The following MYBPC2 variants were observed in gnomAD, a reference collection of about 807,000 sequenced individuals.
MYBPC2 encodes the protein myosin binding protein C2, also known as myosin-binding protein C, fast-type.
A neutral mutation model predicts 137.0 loss-of-function variants in MYBPC2; 122 were observed. The ratio of observed to expected loss-of-function variants is 0.89; its 90% CI spans 0.77 to 1.03. MYBPC2 has a LOEUF of 1.03. Ranked by LOEUF, MYBPC2 falls within the 50% of genes least tolerant of loss-of-function variation. MYBPC2 has a pLI of 0.00. For synonymous variants in MYBPC2, 626 were observed against 612.3 expected, an observed-to-expected ratio of 1.02 and a Z score of -0.33; for missense variants, 1,500 against 1,534.4, an observed-to-expected ratio of 0.98 and a Z score of 0.37.
chr19:50,437,167 G>A (rs1193668048), intron 5 of MYBPC2, among the ~76,000 whole-genome samples: 1 of 152,062 alleles, frequency 6.6e-6, no homozygotes, highest in Non-Finnish European at 1.5e-5. Context: ...CTGCAGCCCA[G>A]AATGTGTGAG....
At chr19:50,446,828 A>G (rs572413271) in intron 12 of MYBPC2, among the ~76,000 whole-genome samples, 1 of 150,928 alleles carries the variant, frequency 6.6e-6, no homozygotes, top group African/African-American at 2.4e-5. Flanking sequence ...CAAAAAAAAA[A>G]AAAAAAAAAT....
Position 50,458,951 on chromosome 19 carries a change from G to T in MYBPC2, c.2540G>T (p.Arg847Leu). ...PPKIRLPRHLRQTYIRKVGEQ... is the reference protein window; with the variant it reads ...PPKIRLPRHLLQTYIRKVGEQ... ...AAGATCCGGCTTCCCCGCCATCTCC[G>T]CCAGACCTACATCCGCAAAGTGGGC... Residue 847 changes from arginine (R) to leucine (L), a missense_variant, in exon 22 of 28, where the codon CGC becomes CTC. Coordinates refer to ENST00000357701, the MANE Select transcript of MYBPC2 (RefSeq NM_004533.4). 6.2e-6 allele frequency: 10 copies of T among 1,612,378 alleles called. No individual in the cohort carries two copies. Among genetic ancestry groups the T allele is most frequent in the Non-Finnish European group, 8.5e-6 (10 of 1,179,470 alleles).
At position 50,447,718 on chromosome 19, in the gene MYBPC2, G is replaced by A. The variant is rs548344390; in HGVS notation, c.1307-507G>A. 6.6e-5 allele frequency among the ~76,000 whole-genome samples: 10 copies of A among 152,202 alleles called. No homozygotes were observed. In the South Asian group the frequency reaches 1.9e-3, roughly 28 times the overall value. On this transcript the variant is annotated intron_variant, in intron 12 of 27. Coordinates refer to ENST00000357701, the MANE Select transcript of MYBPC2 (RefSeq NM_004533.4). Reference sequence around the variant, plus strand: ...ACTAAAAATACAAAATTAGCCAGGCGTGGTGGTGCATGCTAGTAATCCCAG... The same window carrying A: ...ACTAAAAATACAAAATTAGCCAGGCATGGTGGTGCATGCTAGTAATCCCAG...
intron 20 of MYBPC2, among the ~76,000 whole-genome samples, chr19:50,458,008 C>A (rs1405053219): frequency 6.6e-6 from 1 of 151,490 alleles, no homozygotes; most frequent in Non-Finnish European, 1.5e-5. Flanking sequence ...CCATCCTTAA[C>A]ATGGGGATAG....
Position 50,450,848 on chromosome 19 carries a change from G to C in MYBPC2, c.1492G>C (p.Asp498His). 6.4e-7 allele frequency: 1 copy of C among 1,573,370 alleles called. No individual in the cohort carries two copies. Among genetic ancestry groups the C allele is most frequent in the Non-Finnish European group, 8.6e-7 (1 of 1,159,686 alleles). The change falls in exon 14 of 28, where the codon GAT (aspartate) becomes CAT (histidine). Residue 498 changes from aspartate to histidine, a missense_variant. By Grantham distance (81) the Asp-to-His change is moderately conservative. Transcript: ENST00000357701. ...CCTTAGGTTCCACAAGCTGGTGATC[G>C]ATGACGTCCGCCCCGAGGATGAGGG... ...HVGRFHKLVIDDVRPEDEGDY... is the reference protein window; with the variant it reads ...HVGRFHKLVIHDVRPEDEGDY...
At position 50,461,828 on chromosome 19, in the gene MYBPC2, C is replaced by T. The variant is rs561703377; in HGVS notation, c.3092-72C>T. The T allele has an allele frequency of 3.2e-4, 506 of 1,575,574 alleles. 1 individual carries two copies. The highest frequency in any genetic ancestry group is 4.0e-4 in the Non-Finnish European group (462 of 1,160,012). On this transcript the variant is annotated intron_variant, in intron 25 of 27. Coordinates refer to ENST00000357701, the MANE Select transcript of MYBPC2 (RefSeq NM_004533.4). The stretch of plus-strand genomic sequence containing the variant: ...CCTAGTCATGGGAGAGAGGTGATTG[C>T]GGTTTGTTCCCTGGTTGGTGTCAGG...
chr19:50,444,482 C>T (rs886707661), intron 11 of MYBPC2, among the ~76,000 whole-genome samples: 2 of 152,206 alleles, frequency 1.3e-5, no homozygotes, highest in African/African-American at 4.8e-5. Flanking sequence ...ATCTACCTAT[C>T]CATTCATCCA....
In MYBPC2 at chr19:50,464,479, G is replaced by C. The variant is rs370833831; in HGVS notation, c.3362G>C (p.Arg1121Pro). ...TTCGACGCTGGGACTTACACCTGCC[G>C]GGCCGTCAACGAGCTGGGCGAGGCG... ...SPFDAGTYTC[R>P]AVNELGEALA... Residue 1121 changes from arginine to proline, a missense_variant, in exon 27 of 28, where the codon CGG (arginine) becomes CCG (proline). Coordinates refer to ENST00000357701, the MANE Select transcript of MYBPC2 (RefSeq NM_004533.4). The C allele has an allele frequency of 2.5e-6, 4 of 1,612,914 alleles. No homozygotes were observed. The highest frequency in any genetic ancestry group is 2.7e-5 in the African/African-American group (2 of 74,914).
At chr19:50,438,979 A>G (rs1259719855) in intron 7 of MYBPC2, among the ~76,000 whole-genome samples, 1 of 152,054 alleles carries the variant, frequency 6.6e-6, no homozygotes. Flanking sequence ...TGACAATTCC[A>G]TTTACTGATC....
rs2039775214 is a variant in MYBPC2 at position 50,443,574 on chromosome 19, T to C, written c.983T>C (p.Val328Ala). 3 of 1,612,968 alleles carry C rather than the reference T, an allele frequency of 1.9e-6. No individual in the cohort carries two copies. The highest frequency in any genetic ancestry group is 1.1e-5 in the South Asian group (1 of 90,888). ...CTLADDAAYE[V>A]AVKDEKCFTE... ...CTGGCGGATGACGCTGCCTATGAAG[T>C]AGCTGTCAAGGATGAGAAGTGTTTC... Residue 328 changes from valine (V) to alanine (A), a missense_variant, in exon 10 of 28, where the codon GTA becomes GCA. Val to Ala is a moderately conservative substitution (Grantham distance 64). Transcript: ENST00000357701.
At chr19:50,456,027 T>C (rs1311847201) in intron 20 of MYBPC2, among the ~76,000 whole-genome samples, 3 of 151,886 alleles carry the variant, frequency 2.0e-5, no homozygotes, top group African/African-American at 4.8e-5. Flanking sequence ...TGTCCACCCA[T>C]CTGTACATCC....
At chr19:50,452,132 T>G in intron 16 of MYBPC2, 129 bp downstream of exon 16, 1 of 1,064,958 alleles carries the variant, frequency 9.4e-7, no homozygotes, top group Non-Finnish European at 1.3e-6. Flanking sequence ...GTTTTGAAGA[T>G]TAGAGATTAT....
Position 50,435,311 on chromosome 19 carries a change from C to A in MYBPC2, c.109+61C>A. 1 of 719,014 alleles carries A rather than the reference C, an allele frequency of 1.4e-6. No individual in the cohort carries two copies. Among genetic ancestry groups the A allele is most frequent in the South Asian group, 1.5e-5 (1 of 67,310 alleles). 44.5% of individuals were successfully genotyped at this position (719,014 alleles called of 1,614,324 possible). ...CTTCTCATCTCCATCCTCCTCGCTA[C>A]GCCTCTCCAGGCCTTTCCCCAGCCT... On this transcript the variant is annotated intron_variant, in intron 2 of 27. Coordinates refer to ENST00000357701, the MANE Select transcript of MYBPC2 (RefSeq NM_004533.4). This position sits in a 1 kb window ranked among gnomAD's most constrained non-coding sequence, Gnocchi z 4.8.
chr19:50,434,672 G>A (rs898157401), intron 1 of MYBPC2, among the ~76,000 whole-genome samples: 4 of 152,188 alleles, frequency 2.6e-5, no homozygotes, highest in East Asian at 1.9e-4. Flanking sequence ...ACCGCTGGGC[G>A]GACCCCCTCC....
In MYBPC2 at chr19:50,435,380, G is replaced by GCCTCC. The variant is rs981382736; in HGVS notation, c.109+132_109+136dup. The GCCTCC allele has an allele frequency of 6.1e-6, 4 of 652,586 alleles. No homozygotes were observed. The African/African-American group carries it at 7.5e-5, about 12-fold the overall frequency. 40.4% of individuals were successfully genotyped at this position (652,586 alleles called of 1,614,324 possible). ...CCGCACAGCCCCAGGGCTGACCCAC[G>GCCTCC]CCTCCCGTGCTCCCAGCCCTCCCGG... On this transcript the variant is annotated intron_variant, in intron 2 of 27. Coordinates refer to ENST00000357701, the MANE Select transcript of MYBPC2 (RefSeq NM_004533.4). This position sits in a 1 kb window ranked among gnomAD's most constrained non-coding sequence, Gnocchi z 4.8.
At position 50,460,084 on chromosome 19, in the gene MYBPC2, G is replaced by A; in HGVS notation, c.2836G>A (p.Gly946Ser). The A allele has an allele frequency of 6.4e-7, 1 of 1,567,598 alleles. No individual in the cohort carries two copies. The highest frequency in any genetic ancestry group is 8.6e-7 in the Non-Finnish European group (1 of 1,156,492). The change falls in exon 24 of 28, where the codon GGC becomes AGC. Residue 946 changes from glycine (G) to serine (S), a missense_variant. Coordinates refer to ENST00000357701, the MANE Select transcript of MYBPC2 (RefSeq NM_004533.4). ...PINVMVKEVWGTNALVEWQAP... is the reference protein window; with the variant it reads ...PINVMVKEVWSTNALVEWQAP... The stretch of plus-strand genomic sequence containing the variant: ...AAACGTGATGGTGAAGGAGGTGTGG[G>A]GCACGAACGCGCTGGTGGAGTGGCA...
At chr19:50,457,459 C>T (rs2039923974) in intron 20 of MYBPC2, among the ~76,000 whole-genome samples, 1 of 152,212 alleles carries the variant, frequency 6.6e-6, no homozygotes, top group East Asian at 1.9e-4. Flanking sequence ...CTGGCTGCGC[C>T]CTCAGACAGA....
intron 1 of MYBPC2, among the ~76,000 whole-genome samples, chr19:50,434,593 T>C (rs2039685081): frequency 6.6e-6 from 1 of 152,128 alleles, no homozygotes; most frequent in Non-Finnish European, 1.5e-5. Flanking sequence ...GGGACCTTCT[T>C]TGAATGGGGA....
chr19:50,453,007 G>A (rs1270944832), intron 16 of MYBPC2, among the ~76,000 whole-genome samples: 2 of 152,160 alleles, frequency 1.3e-5, no homozygotes, highest in Non-Finnish European at 2.9e-5. Flanking sequence ...CCATCCATTT[G>A]CTCACTCAGC....
Sources: allele counts gnomAD v4.1 joint callset (sites outside exome capture counted in the v4.1 genomes callset), GRCh38; gene constraint gnomAD v4.1.1; non-coding constraint Gnocchi (gnomAD v3.1); transcripts MANE v1.5; gene names NCBI Gene and HGNC (gene_info 2026-07-23, HGNC 2026-07-21).